Variants in NSD3 observed in about 807,000 individuals in gnomAD.
NSD3 encodes histone-lysine N-methyltransferase NSD3.
A neutral mutation model predicts 160.8 loss-of-function variants in NSD3; 24 were observed. The ratio of observed to expected loss-of-function variants is 0.15; its 90% CI spans 0.11 to 0.21. NSD3 has a LOEUF of 0.21. Among genes scored for constraint, NSD3 ranks in the 10% least tolerant of loss-of-function variants. The probability of loss-of-function intolerance (pLI) is 1.00; values close to 1 mark genes in which losing one functional copy is unlikely to be tolerated. For missense variants in NSD3, 1,157 were observed against 1,735.9 expected (o/e 0.67, Z 5.93); for synonymous variants, 520 against 600.0 (o/e 0.87, Z 1.95).
intron 4 of NSD3, among the ~76,000 whole-genome samples, chr8:38,333,814 CCGA>C (rs1177901943): frequency 4.6e-5 from 7 of 152,026 alleles, no homozygotes; most frequent in Non-Finnish European, 8.8e-5. Context: ...TTGCAGTGAG[CCGA>C]GATTGCGCCA....
intron 3 of NSD3, among the ~76,000 whole-genome samples, chr8:38,338,265 A>C (rs1204180116): frequency 2.0e-5 from 3 of 150,846 alleles, no homozygotes; most frequent in South Asian, 2.1e-4. Context: ...GCGCCACTGC[A>C]CTCCAGCCTG....
chr8:38,377,051 CTTTGT>C (rs1246118632), intron 1 of NSD3, among the ~76,000 whole-genome samples: 1 of 151,766 alleles, frequency 6.6e-6, no homozygotes. Context: ...TGTTTTTGTT[CTTTGT>C]TTTGTTTTGT....
intron 12 of NSD3, 38 bp from the exon 13 acceptor site, chr8:38,305,483 G>T (rs763888567): frequency 1.8e-5 from 29 of 1,602,808 alleles, no homozygotes; most frequent in Non-Finnish European, 2.3e-5. Flanking sequence ...AAATAAAATT[G>T]ACTAAAGCAT....
At chr8:38,293,169 T>C (rs867844207) in intron 16 of NSD3, among the ~76,000 whole-genome samples, 2 of 144,068 alleles carry the variant, frequency 1.4e-5, no homozygotes, top group South Asian at 2.2e-4. Context: ...GAAAAAGAAG[T>C]GGGGGGAGGT....
intron 15 of NSD3, among the ~76,000 whole-genome samples, chr8:38,298,275 G>A (rs1216017590): frequency 2.0e-5 from 3 of 152,190 alleles, no homozygotes; most frequent in Non-Finnish European, 4.4e-5. Context: ...AATAATTATG[G>A]AGTAAGTCAA....
At chr8:38,363,035 G>A (rs1479546118) in intron 1 of NSD3, among the ~76,000 whole-genome samples, 1 of 152,192 alleles carries the variant, frequency 6.6e-6, no homozygotes, top group Non-Finnish European at 1.5e-5. Context: ...CTGAAGTTCA[G>A]ATTTATCTTT....
intron 1 of NSD3, among the ~76,000 whole-genome samples, chr8:38,381,022 T>A (rs956620438): frequency 3.3e-5 from 5 of 152,170 alleles, no homozygotes; most frequent in African/African-American, 9.6e-5. Flanking sequence ...CACAATCCCA[T>A]AACCACCAGC....
intron 11 of NSD3, 24 bp downstream of exon 11, chr8:38,315,392 C>A: frequency 6.5e-7 from 1 of 1,534,916 alleles, no homozygotes; most frequent in Non-Finnish European, 8.7e-7. Flanking sequence ...TTATTTCAAG[C>A]CATAGCACCA....
intron 5 of NSD3, among the ~76,000 whole-genome samples, chr8:38,330,965 ATAAG>A (rs1691160767): frequency 1.3e-5 from 2 of 152,246 alleles, no homozygotes; most frequent in Non-Finnish European, 2.9e-5. Flanking sequence ...GTTATGAATA[ATAAG>A]TGAGTTAATA....
chr8:38,320,510 A>C (rs1215715569), intron 8 of NSD3: 1 of 152,078 alleles, frequency 6.6e-6, no homozygotes, highest in Non-Finnish European at 1.5e-5. Context: ...CAACCCCCCC[A>C]CACACCTTTT....
intron 7 of NSD3, among the ~76,000 whole-genome samples, chr8:38,323,465 G>GA (rs2150372691): frequency 6.6e-6 from 1 of 151,610 alleles, no homozygotes; most frequent in South Asian, 2.1e-4. Flanking sequence ...TTCCACTTAA[G>GA]AAAAAAAGGA....
chr8:38,294,734 T>C (rs1809089940), intron 16 of NSD3, among the ~76,000 whole-genome samples: 1 of 152,078 alleles, frequency 6.6e-6, no homozygotes, highest in South Asian at 2.1e-4. Context: ...TTCTAGCACT[T>C]TGGGAGGCTG....
intron 1 of NSD3, among the ~76,000 whole-genome samples, chr8:38,353,257 C>G (rs1402745776): frequency 6.6e-6 from 1 of 152,196 alleles, no homozygotes; most frequent in East Asian, 1.9e-4. Context: ...TGTTTAACAA[C>G]TGAAACATTA....
Position 38,325,010 on chromosome 8 carries a change from CT to C in NSD3, c.1708+1719del, listed in dbSNP as rs1312482135. ...GTTCATCTGTATCTTTTGCCATATG[CT>C]TTATCATGAACCAGTAAATGTAAAG... On this transcript the variant is annotated intron_variant, in intron 7 of 23. Coordinates refer to ENST00000317025, the MANE Select transcript of NSD3 (RefSeq NM_023034.2). 2.0e-5 allele frequency among the ~76,000 whole-genome samples: 3 copies of C among 152,226 alleles called. No individual in the cohort carries two copies. In the East Asian group the frequency reaches 5.8e-4, roughly 29 times the overall value.
intron 5 of NSD3, among the ~76,000 whole-genome samples, chr8:38,330,287 C>T (rs2234551): frequency 2.4e-4 from 36 of 152,192 alleles, no homozygotes; most frequent in African/African-American, 7.7e-4. Flanking sequence ...TCCCATATCT[C>T]GGGCAGAGGG....
chr8:38,381,764 A>T, intron 1 of NSD3, 35 bp downstream of exon 1: 1 of 153,254 alleles, frequency 6.5e-6, no homozygotes, highest in Non-Finnish European at 1.4e-5. Context: ...ACACACACAC[A>T]CACACACACA....
At chr8:38,298,086 T>C (rs1464002954) in intron 15 of NSD3, among the ~76,000 whole-genome samples, 2 of 151,986 alleles carry the variant, frequency 1.3e-5, no homozygotes, top group Non-Finnish European at 2.9e-5. Flanking sequence ...GCAAGAAAAC[T>C]AGGATACAAG....
chr8:38,382,074 G>T lies in NSD3; in HGVS notation c.-320C>A. The T allele has an allele frequency of 6.5e-6, 1 of 153,092 alleles. No individual in the cohort carries two copies. The highest frequency in any genetic ancestry group is 2.0e-4 in the South Asian group (1 of 5,108). The allele number at this position is 153,092 out of a possible 1,614,324, so 9.5% of individuals were successfully genotyped here. A position where few individuals can be genotyped will look rare whatever the true frequency, so the allele number is the denominator to read the frequency against. ...AGGTGGGATGGGAAGGGGAGGCCGA[G>T]GGACGGGGGTCGCCGCGCCGCCGCT... On this transcript the variant is annotated 5_prime_UTR_variant, in exon 1 of 24. Transcript: ENST00000317025. The surrounding 1 kb of genome is among the most constrained non-coding windows in gnomAD (Gnocchi z 4.2).
intron 7 of NSD3, among the ~76,000 whole-genome samples, chr8:38,326,449 T>C (rs796936111): frequency 2.6e-5 from 4 of 152,204 alleles, no homozygotes; most frequent in East Asian, 1.9e-4. Context: ...AGATAGTCGA[T>C]GGTGTATTTA....
Sources: allele counts gnomAD v4.1 joint callset (sites outside exome capture counted in the v4.1 genomes callset), GRCh38; gene constraint gnomAD v4.1.1; non-coding constraint Gnocchi (gnomAD v3.1); transcripts MANE v1.5; gene names NCBI Gene and HGNC (gene_info 2026-07-23, HGNC 2026-07-21).